Variants in MARK1 observed in about 807,000 individuals in gnomAD.
The protein encoded by MARK1 is microtubule affinity regulating kinase 1, also known as serine/threonine-protein kinase MARK1.
Under a neutral mutation model 96.3 loss-of-function variants are expected in MARK1, and 40 were observed. That is an observed-to-expected ratio of 0.42 (90% CI 0.32 to 0.54). MARK1 has a LOEUF of 0.54. Among genes scored for constraint, MARK1 ranks in the 20% least tolerant of loss-of-function variants. MARK1 has a pLI of 0.16. For synonymous variants in MARK1, 317 were observed against 341.2 expected (o/e 0.93, Z 0.78); for missense variants, 719 against 984.6 (o/e 0.73, Z 3.61).
chr1:220,580,212 G>A (rs774259162), intron 2 of MARK1, among the ~76,000 whole-genome samples: 2 of 152,054 alleles, frequency 1.3e-5, no homozygotes, highest in Non-Finnish European at 2.9e-5. Flanking sequence ...GCCCAATGCA[G>A]TGGCTCATGC....
At position 220,635,907 on chromosome 1, in the gene MARK1, G is replaced by A. The variant is rs1558313964; in HGVS notation, c.1351G>A (p.Glu451Lys). 2 of 1,614,058 alleles carry A rather than the reference G, an allele frequency of 1.2e-6. No homozygotes were observed. The highest frequency in any genetic ancestry group is 2.2e-5 in the South Asian group (2 of 91,078). ...TAACAGTGTGGAAAGTGAACAGAAA[G>A]AGGAGTGGGACAAAGATGTGGCTCG... ...QANSVESEQK[E>K]EWDKDVARKL... The change falls in exon 13 of 18, where the codon GAG (glutamate) becomes AAG (lysine). Residue 451 changes from glutamate to lysine, a missense_variant. By Grantham distance (56) the Glu-to-Lys change is moderately conservative. Transcript: ENST00000366917.
chr1:220,569,422 A>G (rs1663285336), intron 1 of MARK1, among the ~76,000 whole-genome samples: 1 of 152,020 alleles, frequency 6.6e-6, no homozygotes, highest in African/African-American at 2.4e-5. Context: ...CTTCTATTTT[A>G]TGTTATACCT....
chr1:220,607,148 C>A (rs1471577510), intron 6 of MARK1, among the ~76,000 whole-genome samples: 1 of 152,162 alleles, frequency 6.6e-6, no homozygotes, highest in African/African-American at 2.4e-5. Flanking sequence ...TTCTTCCTAT[C>A]CGTGAGCATG....
At chr1:220,614,280 G>A (rs958843197) in intron 6 of MARK1, among the ~76,000 whole-genome samples, 2 of 151,976 alleles carry the variant, frequency 1.3e-5, no homozygotes, top group African/African-American at 2.4e-5. Flanking sequence ...CCAAAGTGCC[G>A]AGATTATAGG....
chr1:220,651,431 A>G lies in MARK1; in HGVS notation c.1572-555A>G, dbSNP rs189980357. The stretch of plus-strand genomic sequence containing the variant: ...AAAGAAAAATGTATCTTCTTTGGAC[A>G]TAAGATAATTGGAAATTGATTTCAG... On this transcript the variant is annotated intron_variant, in intron 14 of 17. Coordinates refer to ENST00000366917, the MANE Select transcript of MARK1 (RefSeq NM_018650.5). Among the ~76,000 whole-genome samples the G allele has an allele frequency of 2.9e-3, 445 of 152,326 alleles. 8 individuals carry two copies. The highest frequency in any genetic ancestry group is 0.027 in the Admixed American group (407 of 15,282).
At chr1:220,529,400 G>A (rs1660157662) in intron 1 of MARK1, among the ~76,000 whole-genome samples, 1 of 152,204 alleles carries the variant, frequency 6.6e-6, no homozygotes, top group Non-Finnish European at 1.5e-5. Flanking sequence ...AGAAGGATGG[G>A]AATGGAAGTG....
rs1311496573 is a variant in MARK1 at position 220,544,985 on chromosome 1, A to C, written c.51+16112A>C. The stretch of plus-strand genomic sequence containing the variant: ...TGAAGTGGGAGACAGACATAGAGAC[A>C]AACAAGTATAGTAGAAAGTTGCAGT... On this transcript the variant is annotated intron_variant, in intron 1 of 17. Transcript: ENST00000366917. Among the ~76,000 whole-genome samples the C allele has an allele frequency of 2.0e-5, 3 of 152,214 alleles. No homozygotes were observed. The East Asian group carries it at 5.8e-4, about 29-fold the overall frequency.
intron 3 of MARK1, among the ~76,000 whole-genome samples, chr1:220,593,238 C>G (rs1425629395): frequency 6.6e-6 from 1 of 151,880 alleles, no homozygotes; most frequent in Non-Finnish European, 1.5e-5. Context: ...TTGGGGAACA[C>G]TATTTTTAAA....
intron 16 of MARK1, among the ~76,000 whole-genome samples, chr1:220,656,212 TG>T (rs1314967366): frequency 6.6e-6 from 1 of 152,206 alleles, no homozygotes; most frequent in Non-Finnish European, 1.5e-5. Context: ...CCTCCTACCA[TG>T]GCTACTTAAA....
Position 220,631,088 on chromosome 1 carries a change from G to T in MARK1, c.963G>T (p.Lys321Asn). 1.2e-6 allele frequency: 2 copies of T among 1,613,142 alleles called. No individual in the cohort carries two copies. Among genetic ancestry groups the T allele is most frequent in the Non-Finnish European group, 1.7e-6 (2 of 1,179,324 alleles). Residue 321 changes from lysine to asparagine, a missense_variant, in exon 10 of 18, where the codon AAG becomes AAT. Around this residue, in one of 4 missense-constraint regions of MARK1, gnomAD observed 501 missense variants for 588.3 expected, o/e 0.85. Transcript: ENST00000366917. ...MNVGHEEEEL[K>N]PYTEPDPDFN... ...TTGGTCATGAAGAGGAAGAACTAAAGCCATATACTGAGCCTGATCCGGATT... is the reference window on the plus strand; with the variant it reads ...TTGGTCATGAAGAGGAAGAACTAAATCCATATACTGAGCCTGATCCGGATT...
At chr1:220,581,740 T>C (rs566781217) in intron 3 of MARK1, among the ~76,000 whole-genome samples, 15 of 152,276 alleles carry the variant, frequency 9.9e-5, no homozygotes, top group African/African-American at 3.4e-4. Flanking sequence ...CTTTAAAGGA[T>C]TGAAAATATG....
At chr1:220,603,622 T>C (rs1665887180) in intron 5 of MARK1, among the ~76,000 whole-genome samples, 1 of 152,072 alleles carries the variant, frequency 6.6e-6, no homozygotes, top group South Asian at 2.1e-4. Flanking sequence ...GATGGAATTT[T>C]ATCCAGACTA....
Position 220,528,146 on chromosome 1 carries a change from G to C in MARK1, c.-677G>C, listed in dbSNP as rs1301041353. 6.6e-6 allele frequency: 1 copy of C among 150,834 alleles called. No homozygotes were observed. Among genetic ancestry groups the C allele is most frequent in the Admixed American group, 6.6e-5 (1 of 15,182 alleles). The allele number at this position is 150,834 out of a possible 1,614,324, so 9.3% of individuals were successfully genotyped here. ...GGCTGGCGCCCGCCCACCCGGCGGC[G>C]GCCGCCAAGTGCCTCTGGGCGCTGC... On this transcript the variant is annotated 5_prime_UTR_variant, in exon 1 of 18. Transcript: ENST00000366917.
rs779442657 is a variant in MARK1, at chr1:220,661,818, A to G, written c.2040A>G (p.Thr680=). ...CTTTGCCCTCTTGTTCCAGAAGTACATCAGGGGAACCAAAAGAAAGAGACA... is the reference window on the plus strand; with the variant it reads ...CTTTGCCCTCTTGTTCCAGAAGTACGTCAGGGGAACCAAAAGAAAGAGACA... ...ASGRTDTSRS[T]SGEPKERDKE... The change falls in exon 18 of 18, where the codon ACA becomes ACG. Residue 680 remains threonine, a synonymous_variant. Coordinates refer to ENST00000366917, the MANE Select transcript of MARK1 (RefSeq NM_018650.5). 1 of 1,605,366 alleles carries G rather than the reference A, an allele frequency of 6.2e-7. No individual in the cohort carries two copies. Among genetic ancestry groups the G allele is most frequent in the South Asian group, 1.1e-5 (1 of 90,222 alleles).
chr1:220,555,622 A>G (rs1168427629), intron 1 of MARK1, among the ~76,000 whole-genome samples: 1 of 152,218 alleles, frequency 6.6e-6, no homozygotes, highest in Non-Finnish European at 1.5e-5. Context: ...ATGTAGAACC[A>G]TTTAATGAGA....
intron 6 of MARK1, among the ~76,000 whole-genome samples, chr1:220,605,960 T>G (rs1303607070): frequency 6.6e-6 from 1 of 152,236 alleles, no homozygotes; most frequent in African/African-American, 2.4e-5. Flanking sequence ...TTGTGAATAG[T>G]GCCACAATAA....
At chr1:220,619,043 T>C (rs1023014316) in intron 9 of MARK1, among the ~76,000 whole-genome samples, 1 of 152,230 alleles carries the variant, frequency 6.6e-6, no homozygotes, top group African/African-American at 2.4e-5. Flanking sequence ...ACGTAGCTGC[T>C]GTCAGAAATT....
rs867702406 is a variant in MARK1, at chr1:220,663,275, G to A, written c.*1109G>A. 18 of 152,484 alleles carry A rather than the reference G, an allele frequency of 1.2e-4. No individual in the cohort carries two copies. The highest frequency in any genetic ancestry group is 4.3e-4 in the African/African-American group (18 of 41,440). The allele number at this position is 152,484 out of a possible 1,614,324, so 9.4% of individuals were successfully genotyped here. A position where few individuals can be genotyped will look rare whatever the true frequency, so the allele number is the denominator to read the frequency against. On this transcript the variant is annotated 3_prime_UTR_variant, in exon 18 of 18. Transcript: ENST00000366917. ...ATGATTGATTTATGCTTATGTGGTT[G>A]TTCAGTTTGTTCCCATGTAACTCGT...
intron 13 of MARK1, among the ~76,000 whole-genome samples, chr1:220,646,078 G>A (rs1668560819): frequency 6.6e-6 from 1 of 152,124 alleles, no homozygotes; most frequent in Non-Finnish European, 1.5e-5. Context: ...GCAAGAGAAG[G>A]AAATAAAGGG....
Sources: gnomAD v4.1 joint callset for allele counts (sites outside exome capture counted in the v4.1 genomes callset) on GRCh38, gnomAD v4.1.1 for gene constraint, gnomAD v4.1.1 regional missense constraint, MANE v1.5 for transcripts, NCBI Gene and HGNC (gene_info 2026-07-23, HGNC 2026-07-21) for gene names.